PSMB2: variants seen among roughly 807,000 people sequenced by gnomAD.
PSMB2 encodes the protein proteasome subunit beta type-2.
PSMB2 carries 13 observed loss-of-function variants against 25.7 expected under a neutral mutation model. That is an observed-to-expected ratio of 0.51 (90% CI 0.33 to 0.80). The LOEUF is 0.80. Ranked by LOEUF, PSMB2 falls within the 30% of genes least tolerant of loss-of-function variation. PSMB2 has a pLI of 0.02. For missense variants in PSMB2, 202 were observed against 259.0 expected (o/e 0.78, Z 1.51); for synonymous variants, 87 against 96.2 (o/e 0.90, Z 0.56).
At chr1:35,609,173 G>A in intron 4 of PSMB2, 73 bp downstream of exon 4, 1 of 1,357,048 alleles carries the variant, frequency 7.4e-7, no homozygotes. Context: ...CCAACTCCAA[G>A]AGTGGACAAA....
At chr1:35,603,825 A>T (rs1279458513) in intron 5 of PSMB2, among the ~76,000 whole-genome samples, 1 of 152,158 alleles carries the variant, frequency 6.6e-6, no homozygotes, top group East Asian at 1.9e-4. Flanking sequence ...GAATATCTTG[A>T]GCCCAGGAGT....
intron 3 of PSMB2, among the ~76,000 whole-genome samples, chr1:35,624,270 C>G (rs1650783528): frequency 6.6e-6 from 1 of 152,146 alleles, no homozygotes; most frequent in African/African-American, 2.4e-5. Context: ...AAAAACCATC[C>G]AATCAAATGC....
chr1:35,630,198 T>A (rs899667447), intron 3 of PSMB2, among the ~76,000 whole-genome samples: 3 of 152,144 alleles, frequency 2.0e-5, no homozygotes, highest in African/African-American at 7.2e-5. Flanking sequence ...ATAAAAATAA[T>A]CTGAATTATT....
chr1:35,614,430 A>C (rs1390794055), intron 3 of PSMB2, among the ~76,000 whole-genome samples: 1 of 152,228 alleles, frequency 6.6e-6, no homozygotes, highest in Non-Finnish European at 1.5e-5. Flanking sequence ...AGAATCTTTT[A>C]AAATGAAATC....
At chr1:35,624,167 A>T (rs1650778951) in intron 3 of PSMB2, among the ~76,000 whole-genome samples, 1 of 152,094 alleles carries the variant, frequency 6.6e-6, no homozygotes, top group African/African-American at 2.4e-5. Flanking sequence ...CCCATTCCCT[A>T]AAAAAATAAA....
chr1:35,619,477 TG>T (rs1338672493), intron 3 of PSMB2, among the ~76,000 whole-genome samples: 1 of 152,242 alleles, frequency 6.6e-6, no homozygotes, highest in Non-Finnish European at 1.5e-5. Context: ...ATCTGTAATG[TG>T]GAGGACAGTA....
chr1:35,609,575 T>G (rs750004349), intron 3 of PSMB2, among the ~76,000 whole-genome samples, 167 bp from the exon 4 acceptor site: 1 of 152,114 alleles, frequency 6.6e-6, no homozygotes, highest in East Asian at 1.9e-4. Context: ...ACCTGGAGTA[T>G]GGTAACAGGT....
intron 1 of PSMB2, 27 bp from the exon 2 acceptor site, chr1:35,636,459 A>C: frequency 1.2e-6 from 2 of 1,608,528 alleles, no homozygotes; most frequent in Non-Finnish European, 8.5e-7. Flanking sequence ...ACTGTGTTAG[A>C]AACTGCCTTA....
chr1:35,603,768 G>A (rs934620673), intron 5 of PSMB2, among the ~76,000 whole-genome samples: 1 of 152,196 alleles, frequency 6.6e-6, no homozygotes. Context: ...ACGAAGCAGA[G>A]GCCAGGAGCT....
At chr1:35,622,443 A>T (rs1313727863) in intron 3 of PSMB2, among the ~76,000 whole-genome samples, 1 of 152,226 alleles carries the variant, frequency 6.6e-6, no homozygotes, top group Non-Finnish European at 1.5e-5. Context: ...ATCCTGCCTT[A>T]GGCTTAAACC....
At chr1:35,622,729 GGA>G (rs1459352129) in intron 3 of PSMB2, among the ~76,000 whole-genome samples, 2 of 150,824 alleles carry the variant, frequency 1.3e-5, no homozygotes, top group Non-Finnish European at 2.9e-5. Context: ...ACAACCCCCT[GGA>G]GAGAGACAGG....
At chr1:35,636,611 C>T (rs1651251856) in intron 1 of PSMB2, among the ~76,000 whole-genome samples, 179 bp from the exon 2 acceptor site, 1 of 151,718 alleles carries the variant, frequency 6.6e-6, no homozygotes, top group African/African-American at 2.4e-5. Flanking sequence ...AAAATGGATG[C>T]TTGCATCTAT....
At position 35,599,713 on chromosome 1, in the gene PSMB2, A is replaced by C; in HGVS notation, c.*3554T>G. ...AAGGGCAGAGAGGAATGGATGGTGA[A>C]ACTAGTTTTTTAAAATATGGAGAAA... On this transcript the variant is annotated 3_prime_UTR_variant, in exon 6 of 6. Coordinates refer to ENST00000373237, the MANE Select transcript of PSMB2 (RefSeq NM_002794.5). 2 of 985,136 alleles carry C rather than the reference A, an allele frequency of 2.0e-6. No homozygotes were observed. Among genetic ancestry groups the C allele is most frequent in the Non-Finnish European group, 2.4e-6 (2 of 829,678 alleles). The allele number at this position is 985,136 out of a possible 1,614,324, so 61.0% of individuals were successfully genotyped here.
chr1:35,602,092 A>ATTAC lies in PSMB2; in HGVS notation c.*1174_*1175insGTAA. 3.1e-6 allele frequency: 1 copy of ATTAC among 327,788 alleles called. No individual in the cohort carries two copies. Among genetic ancestry groups the ATTAC allele is most frequent in the African/African-American group, 2.2e-5 (1 of 44,696 alleles). The allele number at this position is 327,788 out of a possible 1,614,324, so 20.3% of individuals were successfully genotyped here. ...TCACGCCTGTAATCCCAGCACTGGG[A>ATTAC]AGCCAAGGCAGGCAGACTGCTTGAG... On this transcript the variant is annotated 3_prime_UTR_variant, in exon 6 of 6. Transcript: ENST00000373237.
intron 3 of PSMB2, among the ~76,000 whole-genome samples, chr1:35,610,917 CA>C (rs1273500598): frequency 3.3e-5 from 5 of 152,182 alleles, no homozygotes; most frequent in Non-Finnish European, 7.3e-5. Flanking sequence ...GTATTACCTG[CA>C]AATCTAAAAA....
At position 35,639,115 on chromosome 1, in the gene PSMB2, A is replaced by C. The variant is rs550750224; in HGVS notation, c.91+2227T>G. Among the ~76,000 whole-genome samples the C allele has an allele frequency of 3.8e-3, 584 of 152,208 alleles. 3 individuals are homozygous for C. The highest frequency in any genetic ancestry group is 0.013 in the African/African-American group (556 of 41,520). ...CTAAAAATACAAAAATTAGCTGGGCATGGTGACGGGCGCCTGTAATCCCAG... is the reference window on the plus strand; with the variant it reads ...CTAAAAATACAAAAATTAGCTGGGCCTGGTGACGGGCGCCTGTAATCCCAG... On this transcript the variant is annotated intron_variant, in intron 1 of 5. Transcript: ENST00000373237.
intron 5 of PSMB2, among the ~76,000 whole-genome samples, chr1:35,603,832 G>A (rs1650079297): frequency 6.6e-6 from 1 of 152,108 alleles, no homozygotes; most frequent in Non-Finnish European, 1.5e-5. Flanking sequence ...TTGAGCCCAG[G>A]AGTTCAAGAC....
At chr1:35,623,112 C>G (rs992535277) in intron 3 of PSMB2, among the ~76,000 whole-genome samples, 11 of 152,198 alleles carry the variant, frequency 7.2e-5, no homozygotes, top group African/African-American at 2.7e-4. Context: ...TTTGGATAAT[C>G]AAAATGACCA....
intron 3 of PSMB2, among the ~76,000 whole-genome samples, chr1:35,626,132 C>T (rs1384498126): frequency 1.3e-5 from 2 of 152,184 alleles, no homozygotes; most frequent in African/African-American, 4.8e-5. Context: ...GCCACTGTGC[C>T]TGGCCGAAGA....
Sources: allele counts gnomAD v4.1 joint callset (sites outside exome capture counted in the v4.1 genomes callset), GRCh38; gene constraint gnomAD v4.1.1; transcripts MANE v1.5; gene names NCBI Gene and HGNC (gene_info 2026-07-23, HGNC 2026-07-21).